Variants in TMEM8B observed in about 807,000 individuals in gnomAD.
TMEM8B encodes the protein transmembrane protein 8B, also known as nasopharyngeal carcinoma expressed 6.
Under a neutral mutation model 49.3 loss-of-function variants are expected in TMEM8B, and 29 were observed. The observed-to-expected ratio is 0.59, with a 90% CI of 0.44 to 0.80. TMEM8B has a LOEUF of 0.80. Among genes scored for constraint, TMEM8B ranks in the 30% least tolerant of loss-of-function variants. The pLI, the probability that TMEM8B is intolerant of heterozygous loss-of-function variation, is 0.00. For missense variants in TMEM8B, 575 were observed against 658.5 expected (o/e 0.87, Z 1.39); for synonymous variants, 264 against 272.8 (o/e 0.97, Z 0.32).
rs778728500 is a variant in TMEM8B at position 35,853,880 on chromosome 9, T to G, written c.*40T>G. Reference sequence around the variant, plus strand: ...CTGGCCCTGAGGGGATATGAATGCTTCCTAGAGTTCTTTCTGGGGGTGTGG... The same window carrying G: ...CTGGCCCTGAGGGGATATGAATGCTGCCTAGAGTTCTTTCTGGGGGTGTGG... On this transcript the variant is annotated 3_prime_UTR_variant, in exon 13 of 13. Coordinates refer to ENST00000643932, the MANE Select transcript of TMEM8B (RefSeq NM_001042590.4). The surrounding 1 kb of genome is among the most constrained non-coding windows in gnomAD (Gnocchi z 4.2). 2 of 1,500,108 alleles carry G rather than the reference T, an allele frequency of 1.3e-6. No homozygotes were observed. The highest frequency in any genetic ancestry group is 4.6e-5 in the Admixed American group (2 of 43,528). 92.9% of individuals were successfully genotyped at this position (1,500,108 alleles called of 1,614,324 possible). A position where few individuals can be genotyped will look rare whatever the true frequency, so the allele number is the denominator to read the frequency against.
At chr9:35,845,711 T>C in intron 6 of TMEM8B, 1 of 985,474 alleles carries the variant, frequency 1.0e-6, no homozygotes, top group African/African-American at 1.7e-5. Flanking sequence ...TGGACAGAAT[T>C]GAAACACTTC....
chr9:35,831,386 G>T (rs1829877419), intron 1 of TMEM8B, among the ~76,000 whole-genome samples: 1 of 152,200 alleles, frequency 6.6e-6, no homozygotes. Flanking sequence ...TGTGAATGGG[G>T]CTGGAGACCC....
intron 10 of TMEM8B, among the ~76,000 whole-genome samples, chr9:35,850,051 G>C (rs1215980789): frequency 1.3e-5 from 2 of 152,162 alleles, no homozygotes; most frequent in Non-Finnish European, 2.9e-5. Context: ...CATTCTCACT[G>C]TCTCTTGGCA....
At position 35,856,923 on chromosome 9, in the gene TMEM8B, C is replaced by A. The variant is rs1293908814; in HGVS notation, c.*3083C>A. On this transcript the variant is annotated 3_prime_UTR_variant, in exon 13 of 13. Transcript: ENST00000643932. ...GCAATATGACAGTGCTGGACGTAGC[C>A]GCTGAACCAGGCCTGTCTCCAGGCT... The A allele has an allele frequency of 1.3e-5, 2 of 152,142 alleles. No homozygotes were observed. The highest frequency in any genetic ancestry group is 1.3e-4 in the Admixed American group (2 of 15,278). The allele number at this position is 152,142 out of a possible 1,614,324, so 9.4% of individuals were successfully genotyped here.
Position 35,846,863 on chromosome 9 carries a change from T to C in TMEM8B, c.2043T>C (p.Tyr681=), listed in dbSNP as rs760769796. The change falls in exon 10 of 13, where the codon TAT becomes TAC. Residue 681 remains tyrosine, a synonymous_variant. Transcript: ENST00000643932. ...GCTDSADALT[Y]GFQLLSTLLL... Reference sequence around the variant, plus strand: ...CCGACAGTGCAGATGCGCTCACCTATGGATTCCAGCTGCTGTCCACACTCC... The same window carrying C: ...CCGACAGTGCAGATGCGCTCACCTACGGATTCCAGCTGCTGTCCACACTCC... 1 of 1,614,224 alleles carries C rather than the reference T, an allele frequency of 6.2e-7. No homozygotes were observed. Among genetic ancestry groups the C allele is most frequent in the Non-Finnish European group, 8.5e-7 (1 of 1,180,040 alleles).
intron 3 of TMEM8B, among the ~76,000 whole-genome samples, chr9:35,839,305 G>T (rs772359241): frequency 7.2e-5 from 11 of 152,196 alleles, no homozygotes; most frequent in Non-Finnish European, 1.5e-4. Flanking sequence ...GAGCTTCCTT[G>T]CCTGTGCCCT....
intron 1 of TMEM8B, among the ~76,000 whole-genome samples, chr9:35,830,654 TG>T (rs1829781636): frequency 2.1e-5 from 2 of 94,988 alleles, no homozygotes. Context: ...CATACTAGTG[TG>T]TTTTTTTTTA....
chr9:35,852,813 A>C lies in TMEM8B; in HGVS notation c.2176-14A>C. The stretch of plus-strand genomic sequence containing the variant: ...GCCTCAAGTTCTCTCAATGCCTGTC[A>C]TTTCTTCCTTCAGTTCTATCATGCC... On this transcript the variant is annotated splice_polypyrimidine_tract_variant and intron_variant, in intron 10 of 12. Coordinates refer to ENST00000643932, the MANE Select transcript of TMEM8B (RefSeq NM_001042590.4). 4 of 1,613,914 alleles carry C rather than the reference A, an allele frequency of 2.5e-6. No homozygotes were observed. The highest frequency in any genetic ancestry group is 3.4e-6 in the Non-Finnish European group (4 of 1,179,974).
rs749962898 is a variant in TMEM8B at position 35,852,940 on chromosome 9, T to C, written c.2289T>C (p.Ile763=). Residue 763 remains isoleucine (I), a synonymous_variant, in exon 11 of 13, where the codon ATT becomes ATC. Coordinates refer to ENST00000643932, the MANE Select transcript of TMEM8B (RefSeq NM_001042590.4). ...GSLMSVWVTV[I]AMARLQPVVK... ...TAATGTCCGTGTGGGTCACTGTCATTGCCATGGCTCGTTTACAGCCCGTGG... is the reference window on the plus strand; with the variant it reads ...TAATGTCCGTGTGGGTCACTGTCATCGCCATGGCTCGTTTACAGCCCGTGG... 1.9e-6 allele frequency: 3 copies of C among 1,614,192 alleles called. No individual in the cohort carries two copies. Among genetic ancestry groups the C allele is most frequent in the South Asian group, 2.2e-5 (2 of 91,090 alleles).
In TMEM8B at chr9:35,852,834, A is replaced by G; in HGVS notation, c.2183A>G (p.His728Arg). The G allele has an allele frequency of 6.2e-7, 1 of 1,614,026 alleles. No individual in the cohort carries two copies. Among genetic ancestry groups the G allele is most frequent in the Non-Finnish European group, 8.5e-7 (1 of 1,179,996 alleles). ...TFTMFFSTFY[H>R]ACDQPGIVVF... is the part of the protein sequence containing the mutation. Reference sequence around the variant, plus strand: ...TGTCATTTCTTCCTTCAGTTCTATCATGCCTGTGACCAGCCAGGCATCGTG... The same window carrying G: ...TGTCATTTCTTCCTTCAGTTCTATCGTGCCTGTGACCAGCCAGGCATCGTG... The change falls in exon 11 of 13, where the codon CAT (histidine) becomes CGT (arginine). Residue 728 changes from histidine (H) to arginine (R), a missense_variant. Transcript: ENST00000643932.
chr9:35,834,792 T>C, intron 2 of TMEM8B, 142 bp downstream of exon 2: 1 of 410,004 alleles, frequency 2.4e-6, no homozygotes, highest in Non-Finnish European at 4.4e-6. Context: ...CCATGACCTC[T>C]GTCACATGAC....
intron 3 of TMEM8B, among the ~76,000 whole-genome samples, chr9:35,839,369 C>T (rs887159830): frequency 1.3e-5 from 2 of 152,228 alleles, no homozygotes; most frequent in Non-Finnish European, 2.9e-5. Flanking sequence ...CTGGGACTCT[C>T]TCACCTGGTG....
intron 6 of TMEM8B, among the ~76,000 whole-genome samples, chr9:35,844,986 T>G (rs1427584876): frequency 1.3e-5 from 2 of 152,164 alleles, no homozygotes; most frequent in African/African-American, 4.8e-5. Context: ...TTTCTTTGGC[T>G]CCCTCCTAGA....
rs115420358 is a variant in TMEM8B at position 35,854,359 on chromosome 9, G to C, written c.*519G>C. 1,105 of 154,874 alleles carry C rather than the reference G, an allele frequency of 7.1e-3. 11 individuals carry two copies. The highest frequency in any genetic ancestry group is 0.025 in the African/African-American group (1,030 of 41,614). 9.6% of individuals were successfully genotyped at this position (154,874 alleles called of 1,614,324 possible). ...GATGGATGGAGCTGGGACTGGGGCT[G>C]TCTGGGTGGCTGGTATCCTCGTTTG... On this transcript the variant is annotated 3_prime_UTR_variant, in exon 13 of 13. Transcript: ENST00000643932.
rs1463877698 is a variant in TMEM8B at position 35,857,799 on chromosome 9, A to G, written c.*3959A>G. The G allele has an allele frequency of 2.6e-5, 4 of 152,258 alleles. No individual in the cohort carries two copies. The highest frequency in any genetic ancestry group is 7.2e-5 in the African/African-American group (3 of 41,452). The allele number at this position is 152,258 out of a possible 1,614,324, so 9.4% of individuals were successfully genotyped here. ...TTGGTGTTGGGCCTGAAGCTGTTAC[A>G]GCTCAGCTGGGCCAGCAGTTAGGAA... is the stretch of plus-strand genomic sequence containing the variant. On this transcript the variant is annotated 3_prime_UTR_variant, in exon 13 of 13. Coordinates refer to ENST00000643932, the MANE Select transcript of TMEM8B (RefSeq NM_001042590.4).
chr9:35,833,701 C>G (rs1830146531), intron 1 of TMEM8B, among the ~76,000 whole-genome samples: 1 of 152,296 alleles, frequency 6.6e-6, no homozygotes, highest in South Asian at 2.1e-4. Context: ...ATTCCCCCGG[C>G]CCCCACCTAC....
In TMEM8B at chr9:35,842,428, C is replaced by T. The variant is rs781082139; in HGVS notation, c.1346C>T (p.Pro449Leu). ...PQPGLLRALV[P>L]GAAMNMPQSL... ...CCCGGCCTGCTCCGAGCCCTGGTCC[C>T]TGGAGCTGCCATGAACATGCCCCAG... Residue 449 changes from proline to leucine, a missense_variant, in exon 6 of 13, where the codon CCT (proline) becomes CTT (leucine). Pro to Leu is a moderately conservative substitution (Grantham distance 98). Coordinates refer to ENST00000643932, the MANE Select transcript of TMEM8B (RefSeq NM_001042590.4). This position sits in a 1 kb window ranked among gnomAD's most constrained non-coding sequence, Gnocchi z 5.6. 7 of 1,551,356 alleles carry T rather than the reference C, an allele frequency of 4.5e-6. No homozygotes were observed. In the East Asian group the frequency reaches 9.0e-5, roughly 20 times the overall value.
At chr9:35,836,703 G>A (rs1564021307) in intron 3 of TMEM8B, among the ~76,000 whole-genome samples, 1 of 152,210 alleles carries the variant, frequency 6.6e-6, no homozygotes. Flanking sequence ...GGGCAGTGAG[G>A]AAATAACTAG....
chr9:35,836,838 C>T (rs1588133815), intron 3 of TMEM8B, among the ~76,000 whole-genome samples: 1 of 152,338 alleles, frequency 6.6e-6, no homozygotes, highest in East Asian at 1.9e-4. Flanking sequence ...GACCATCCCA[C>T]CGTGCCCACG....
Sources: allele counts gnomAD v4.1 joint callset (sites outside exome capture counted in the v4.1 genomes callset), GRCh38; gene constraint gnomAD v4.1.1; non-coding constraint Gnocchi (gnomAD v3.1); transcripts MANE v1.5; gene names NCBI Gene and HGNC (gene_info 2026-07-23, HGNC 2026-07-21).